The following MYCBPAP variants were observed in gnomAD, a reference collection of about 807,000 sequenced individuals.
MYCBPAP encodes MYCBP-associated protein.
A neutral mutation model predicts 106.1 loss-of-function variants in MYCBPAP; 60 were observed. The ratio of observed to expected loss-of-function variants is 0.57; its 90% CI spans 0.46 to 0.70. MYCBPAP has a LOEUF of 0.70. Among genes scored for constraint, MYCBPAP ranks in the 30% least tolerant of loss-of-function variants. The pLI is 0.00. For synonymous variants in MYCBPAP, 407 were observed against 440.6 expected (o/e 0.92, Z 0.95); for missense variants, 1,064 against 1,169.3 (o/e 0.91, Z 1.31).
At chr17:50,513,326 G>T (rs2033927556) in intron 1 of MYCBPAP, among the ~76,000 whole-genome samples, 1 of 151,596 alleles carries the variant, frequency 6.6e-6, no homozygotes, top group Admixed American at 6.6e-5. Context: ...GGCGGAGGTT[G>T]CAGTGAGCTG....
intron 14 of MYCBPAP, 39 bp from the exon 15 acceptor site, chr17:50,527,248 T>C (rs763385764): frequency 1.9e-6 from 3 of 1,612,074 alleles, no homozygotes; most frequent in Non-Finnish European, 2.5e-6. Context: ...GACACAGCCT[T>C]GGTGTCCTGG....
At position 50,518,991 on chromosome 17, in the gene MYCBPAP, G is replaced by A; in HGVS notation, c.670G>A (p.Val224Met). The A allele has an allele frequency of 3.7e-6, 6 of 1,614,086 alleles. No individual in the cohort carries two copies. The highest frequency in any genetic ancestry group is 5.1e-6 in the Non-Finnish European group (6 of 1,180,008). Residue 224 changes from valine (V) to methionine (M), a missense_variant, in exon 6 of 19, where the codon GTG (valine) becomes ATG (methionine). Coordinates refer to ENST00000323776, the MANE Select transcript of MYCBPAP (RefSeq NM_032133.6). ...CTCTCTAGAACACCTAAAGAAGCCAGTGAGTGAGCTGCTCATGCACACCGG... is the reference window on the plus strand; with the variant it reads ...CTCTCTAGAACACCTAAAGAAGCCAATGAGTGAGCTGCTCATGCACACCGG... ...EALSEHLKKP[V>M]SELLMHTGET...
chr17:50,521,867 T>G, intron 9 of MYCBPAP, 106 bp from the exon 10 acceptor site: 1 of 949,358 alleles, frequency 1.1e-6, no homozygotes, highest in Non-Finnish European at 1.7e-6. Flanking sequence ...CATTGCAGGG[T>G]AGAGCTGGTT....
rs1190765098 is a variant in MYCBPAP, at chr17:50,521,413, C to T, written c.1130C>T (p.Ser377Phe). ...TVFERSQGSS[S>F]EDTAYLGTLA... is the part of the protein sequence containing the mutation. ...TTTGAAAGAAGTCAGGGAAGCTCCT[C>T]TGAAGACACAGCATACTTGTGAGTG... The change falls in exon 9 of 19, where the codon TCT becomes TTT. Residue 377 changes from serine (S) to phenylalanine (F), a missense_variant. Physicochemically the swap from Ser to Phe is radical, Grantham distance 155 (BLOSUM62 -2). Transcript: ENST00000323776. 6.3e-7 allele frequency: 1 copy of T among 1,597,928 alleles called. No individual in the cohort carries two copies. The highest frequency in any genetic ancestry group is 1.3e-5 in the African/African-American group (1 of 74,708).
chr17:50,521,986 A>G lies in MYCBPAP; in HGVS notation c.1162A>G (p.Ser388Gly). ...CTTTTCTTACAGAGGCACATTGGCC[A>G]GTTCCTCTGATGTCTCCATGCCTAT... ...EDTAYLGTLA[S>G]SSDVSMPILG... Residue 388 changes from serine (S) to glycine (G), a missense_variant, in exon 10 of 19, where the codon AGT becomes GGT. By Grantham distance (56) the Ser-to-Gly change is moderately conservative. Coordinates refer to ENST00000323776, the MANE Select transcript of MYCBPAP (RefSeq NM_032133.6). 6.2e-7 allele frequency: 1 copy of G among 1,613,594 alleles called. No homozygotes were observed. The highest frequency in any genetic ancestry group is 8.5e-7 in the Non-Finnish European group (1 of 1,179,570).
intron 1 of MYCBPAP, among the ~76,000 whole-genome samples, chr17:50,515,589 G>A (rs2034018539): frequency 6.6e-6 from 1 of 152,066 alleles, no homozygotes; most frequent in Non-Finnish European, 1.5e-5. Flanking sequence ...GAATCACCTA[G>A]GGAGTTGAAA....
Position 50,529,147 on chromosome 17 carries a change from C to A in MYCBPAP, c.2683C>A (p.Pro895Thr), listed in dbSNP as rs138251646. The A allele has an allele frequency of 4.5e-5, 72 of 1,613,594 alleles. No individual in the cohort carries two copies. In the African/African-American group the frequency reaches 9.1e-4, roughly 20 times the overall value. The change falls in exon 18 of 19, where the codon CCC becomes ACC. Residue 895 changes from proline (P) to threonine (T), a missense_variant. Physicochemically the swap from Pro to Thr is conservative, Grantham distance 38 (BLOSUM62 -1). Transcript: ENST00000323776. ...CCTCTCTTCTCAAGAACCCATAGAC[C>A]CCCTGGTCATGGGGAAATACACCCA... ...IILSSQEPID[P>T]LVMGKYTQSL...
At position 50,518,977 on chromosome 17, in the gene MYCBPAP, A is replaced by C. The variant is rs750123696; in HGVS notation, c.656A>C (p.His219Pro). Reference protein sequence around the residue: ...RKKQQEALSEHLKKPVSELLM... With the variant: ...RKKQQEALSEPLKKPVSELLM... ...GCAATCTTGCCTCTCTCTCTAGAAC[A>C]CCTAAAGAAGCCAGTGAGTGAGCTG... Residue 219 changes from histidine (H) to proline (P), a missense_variant, in exon 6 of 19, where the codon CAC (histidine) becomes CCC (proline). His to Pro is a moderately conservative substitution (Grantham distance 77, BLOSUM62 -2). Coordinates refer to ENST00000323776, the MANE Select transcript of MYCBPAP (RefSeq NM_032133.6). The C allele has an allele frequency of 1.2e-6, 2 of 1,613,176 alleles. No individual in the cohort carries two copies.
At chr17:50,510,497 GTGTATA>G (rs1423961404) in intron 1 of MYCBPAP, 27 of 89,504 alleles carry the variant, frequency 3.0e-4, no homozygotes, top group Admixed American at 9.9e-4. Context: ...GTGTGTGTGT[GTGTATA>G]TATATATATA....
At chr17:50,530,511 C>CAAAAAAAAAAAAG (rs1597853405) in intron 18 of MYCBPAP, among the ~76,000 whole-genome samples, 1 of 50,266 alleles carries the variant, frequency 2.0e-5, no homozygotes, top group South Asian at 7.1e-4. Context: ...AAAAAAGAAT[C>CAAAAAAAAAAAAG]AACTTGCTGG....
intron 13 of MYCBPAP, 40 bp downstream of exon 13, chr17:50,525,063 C>G: frequency 9.5e-6 from 15 of 1,585,802 alleles, no homozygotes; most frequent in Non-Finnish European, 1.3e-5. Context: ...CATGTGTGCC[C>G]TGCGTCAAGG....
chr17:50,507,904 G>A (rs1329156791), upstream of MYCBPAP, among the ~76,000 whole-genome samples: 2 of 152,164 alleles, frequency 1.3e-5, no homozygotes, highest in African/African-American at 4.8e-5. Context: ...CGAAAAAAGC[G>A]GGTGCGTTTA....
At chr17:50,525,201 A>ACTGCG in intron 13 of MYCBPAP, 178 bp downstream of exon 13, 1 of 661,316 alleles carries the variant, frequency 1.5e-6, no homozygotes, top group Non-Finnish European at 2.5e-6. Context: ...CCCATTGTGA[A>ACTGCG]CTGCGCATGC....
In MYCBPAP at chr17:50,531,441, A is replaced by G. The variant is rs1318545568; in HGVS notation, c.*13A>G. On this transcript the variant is annotated 3_prime_UTR_variant, in exon 19 of 19. Coordinates refer to ENST00000323776, the MANE Select transcript of MYCBPAP (RefSeq NM_032133.6). ...CCTCTGCAGGTGACTCTCGGGCCCA[A>G]GCAACCTTCTGGAAAACGGGTTAAT... 1 of 1,584,950 alleles carries G rather than the reference A, an allele frequency of 6.3e-7. No homozygotes were observed. The highest frequency in any genetic ancestry group is 1.2e-5 in the South Asian group (1 of 86,864).
chr17:50,526,169 G>A lies in MYCBPAP; in HGVS notation c.2071G>A (p.Val691Met). 2 of 1,613,632 alleles carry A rather than the reference G, an allele frequency of 1.2e-6. No homozygotes were observed. The highest frequency in any genetic ancestry group is 4.5e-5 in the East Asian group (2 of 44,864). ...QRKSIMEEIL[V>M]EESPDVDSTK... is the part of the protein sequence containing the mutation. ...GAAGAGCATCATGGAGGAGATCCTG[G>A]TGGAGGAAAGCCCAGATGTGGACAG... is the stretch of plus-strand genomic sequence containing the variant. Residue 691 changes from valine to methionine, a missense_variant, in exon 14 of 19, where the codon GTG becomes ATG. By Grantham distance (21) the Val-to-Met change is conservative. Transcript: ENST00000323776.
intron 11 of MYCBPAP, 92 bp downstream of exon 11, chr17:50,523,220 C>T (rs2034342518): frequency 7.5e-7 from 1 of 1,333,370 alleles, no homozygotes; most frequent in East Asian, 2.3e-5. Flanking sequence ...GGCCCAGCTC[C>T]TGTAAGTTTG....
At chr17:50,515,689 A>G (rs1217414261) in intron 1 of MYCBPAP, among the ~76,000 whole-genome samples, 2 of 152,216 alleles carry the variant, frequency 1.3e-5, no homozygotes, top group African/African-American at 4.8e-5. Context: ...CAGACATTGG[A>G]CTAATAACTT....
chr17:50,530,322 C>T (rs576962350), intron 18 of MYCBPAP: 17 of 275,832 alleles, frequency 6.2e-5, no homozygotes, highest in Non-Finnish European at 8.1e-5. Flanking sequence ...GGTAAGATCC[C>T]GTTTCTACTA....
At chr17:50,519,955 T>C in intron 7 of MYCBPAP, 168 bp downstream of exon 7, 1 of 673,670 alleles carries the variant, frequency 1.5e-6, no homozygotes, top group Non-Finnish European at 2.4e-6. Flanking sequence ...TCCGGCTCCC[T>C]CTTCTTTTTC....
Sources: allele counts gnomAD v4.1 joint callset (sites outside exome capture counted in the v4.1 genomes callset), GRCh38; gene constraint gnomAD v4.1.1; transcripts MANE v1.5; gene names NCBI Gene and HGNC (gene_info 2026-07-23, HGNC 2026-07-21).